UBE3C: variants seen among roughly 807,000 people sequenced by gnomAD.
UBE3C encodes the protein ubiquitin-protein ligase E3C.
Under a neutral mutation model 129.4 loss-of-function variants are expected in UBE3C, and 42 were observed. The observed-to-expected ratio is 0.32, with a 90% CI of 0.25 to 0.42. The LOEUF (loss-of-function observed/expected upper bound fraction) is 0.42, where lower values mean the gene tolerates loss of function less well. Ranked by LOEUF, UBE3C falls within the 10% of genes least tolerant of loss-of-function variation. The pLI is 1.00. For synonymous variants in UBE3C, 510 were observed against 492.4 expected (o/e 1.04, Z -0.47); for missense variants, 1,049 against 1,319.1 (o/e 0.80, Z 3.17).
At chr7:157,157,336 TAA>T (rs1807938116) in intron 1 of UBE3C, among the ~76,000 whole-genome samples, 1 of 152,142 alleles carries the variant, frequency 6.6e-6, no homozygotes, top group Non-Finnish European at 1.5e-5. Context: ...TAACCAAGGT[TAA>T]AGAGTAACAA....
chr7:157,171,236 G>A (rs1808358656), intron 4 of UBE3C, among the ~76,000 whole-genome samples: 2 of 152,008 alleles, frequency 1.3e-5, no homozygotes, highest in African/African-American at 4.8e-5. Flanking sequence ...AGCAATCGGT[G>A]GTGTCTCAGC....
Position 157,207,540 on chromosome 7 carries a change from G to C in UBE3C, c.1561G>C (p.Gly521Arg). 1.2e-6 allele frequency: 2 copies of C among 1,612,508 alleles called. No homozygotes were observed. Among genetic ancestry groups the C allele is most frequent in the South Asian group, 2.2e-5 (2 of 90,512 alleles). Reference sequence around the variant, plus strand: ...TTCCATACATGATAACGAATTCTTCGGTGATCCCATAGAAGGTAAGGATTT... The same window carrying C: ...TTCCATACATGATAACGAATTCTTCCGTGATCCCATAGAAGGTAAGGATTT... The part of the protein sequence containing the change: ...LISIHDNEFF[G>R]DPIEVVGQRQ... The change falls in exon 12 of 23, where the codon GGT becomes CGT. Residue 521 changes from glycine to arginine, a missense_variant. Physicochemically the swap from Gly to Arg is moderately radical, Grantham distance 125. Coordinates refer to ENST00000348165, the MANE Select transcript of UBE3C (RefSeq NM_014671.3).
At position 157,195,562 on chromosome 7, in the gene UBE3C, A is replaced by G. The variant is rs151231681; in HGVS notation, c.1332-6159A>G. On this transcript the variant is annotated intron_variant, in intron 10 of 22. Transcript: ENST00000348165. Reference sequence around the variant, plus strand: ...TTTTCATCCCAATTTCTGCTTTTTGAACAGGAATGTGTATAGCTGTTACTG... The same window carrying G: ...TTTTCATCCCAATTTCTGCTTTTTGGACAGGAATGTGTATAGCTGTTACTG... 3.4e-3 allele frequency among the ~76,000 whole-genome samples: 525 copies of G among 152,216 alleles called. 1 individual carries two copies. Among genetic ancestry groups the G allele is most frequent in the African/African-American group, 0.011 (468 of 41,540 alleles).
chr7:157,169,079 T>A lies in UBE3C; in HGVS notation c.152T>A (p.Ile51Asn). 1 of 1,613,852 alleles carries A rather than the reference T, an allele frequency of 6.2e-7. No individual in the cohort carries two copies. Among genetic ancestry groups the A allele is most frequent in the Non-Finnish European group, 8.5e-7 (1 of 1,179,892 alleles). ...AGGCGAAGGTTGAAAAATGCAATAA[T>A]TATCCAGTCATTTATTCGAGGCTAT... ...EERRRLKNAI[I>N]IQSFIRGYRD... Residue 51 changes from isoleucine to asparagine, a missense_variant, in exon 3 of 23, where the codon ATT becomes AAT. This residue lies in a region of UBE3C where 489 missense variants were observed against 513.8 expected (regional missense o/e 0.95). Transcript: ENST00000348165.
At chr7:157,242,636 T>C (rs1051073277) in intron 18 of UBE3C, among the ~76,000 whole-genome samples, 2 of 151,934 alleles carry the variant, frequency 1.3e-5, no homozygotes, top group African/African-American at 4.8e-5. Context: ...GGTTTGCTAC[T>C]TTAGCGAACT....
chr7:157,210,039 G>A (rs911020435), intron 13 of UBE3C, among the ~76,000 whole-genome samples: 3 of 152,140 alleles, frequency 2.0e-5, no homozygotes, highest in Non-Finnish European at 4.4e-5. Context: ...AATTAGCTGG[G>A]CGTGATGTAC....
intron 18 of UBE3C, among the ~76,000 whole-genome samples, chr7:157,237,064 A>G (rs1418481227): frequency 6.6e-6 from 1 of 152,198 alleles, no homozygotes; most frequent in Admixed American, 6.5e-5. Flanking sequence ...ATTTCTTCAG[A>G]ATTAACCATG....
intron 18 of UBE3C, among the ~76,000 whole-genome samples, chr7:157,237,765 G>A (rs139222936): frequency 9.2e-5 from 14 of 152,232 alleles, no homozygotes; most frequent in African/African-American, 3.1e-4. Flanking sequence ...AAAAAATAGT[G>A]TTGGGTGCAG....
At position 157,260,568 on chromosome 7, in the gene UBE3C, C is replaced by T. The variant is rs1024475995; in HGVS notation, c.3081+3524C>T. Among the ~76,000 whole-genome samples, 7 of 152,246 alleles carry T rather than the reference C, an allele frequency of 4.6e-5. No homozygotes were observed. In the East Asian group the frequency reaches 5.8e-4, roughly 13 times the overall value. On this transcript the variant is annotated intron_variant, in intron 22 of 22. Transcript: ENST00000348165. Reference sequence around the variant, plus strand: ...GTGAGGCGTGCAGACGACTTTTTATCGGTAAAGATTTTAATGCCATTTGGT... The same window carrying T: ...GTGAGGCGTGCAGACGACTTTTTATTGGTAAAGATTTTAATGCCATTTGGT...
chr7:157,237,509 A>T (rs1796183720), intron 18 of UBE3C, among the ~76,000 whole-genome samples: 1 of 152,290 alleles, frequency 6.6e-6, no homozygotes, highest in East Asian at 1.9e-4. Flanking sequence ...CCCTTGGATT[A>T]AGTAGGTCTT....
chr7:157,187,413 A>C (rs1437962234), intron 10 of UBE3C, among the ~76,000 whole-genome samples: 1 of 146,424 alleles, frequency 6.8e-6, no homozygotes, highest in Admixed American at 6.9e-5. Context: ...TTCAGACAGC[A>C]TCTCACTCTG....
intron 4 of UBE3C, among the ~76,000 whole-genome samples, chr7:157,172,918 G>A (rs924141842): frequency 2.6e-4 from 39 of 152,212 alleles, no homozygotes; most frequent in African/African-American, 9.2e-4. Context: ...ACGACATGGT[G>A]TAGCTACACA....
At chr7:157,147,499 T>A (rs1382279718) in intron 1 of UBE3C, among the ~76,000 whole-genome samples, 2 of 152,240 alleles carry the variant, frequency 1.3e-5, no homozygotes, top group African/African-American at 4.8e-5. Flanking sequence ...TCTTCCTTCC[T>A]GATCTGTATG....
At chr7:157,238,764 A>AAGAGT (rs1224538861) in intron 18 of UBE3C, among the ~76,000 whole-genome samples, 1 of 152,108 alleles carries the variant, frequency 6.6e-6, no homozygotes, top group Non-Finnish European at 1.5e-5. Flanking sequence ...AAGAGAAGAG[A>AAGAGT]TGAAGAACTG....
chr7:157,202,953 A>G (rs1809331885), intron 11 of UBE3C, among the ~76,000 whole-genome samples: 1 of 152,250 alleles, frequency 6.6e-6, no homozygotes, highest in Non-Finnish European at 1.5e-5. Flanking sequence ...TATATCTAAA[A>G]TATAAACACA....
At position 157,157,993 on chromosome 7, in the gene UBE3C, G is replaced by T. The variant is rs796905052; in HGVS notation, c.67-5817G>T. 1.1e-3 allele frequency among the ~76,000 whole-genome samples: 166 copies of T among 149,904 alleles called. 3 individuals are homozygous for T. Among genetic ancestry groups the T allele is most frequent in the South Asian group, 4.5e-3 (21 of 4,710 alleles). Reference sequence around the variant, plus strand: ...ATATAGATATATATATATATAGAGAGAGAGAGAGAGAGATACATATAAACA... The same window carrying T: ...ATATAGATATATATATATATAGAGATAGAGAGAGAGAGATACATATAAACA... On this transcript the variant is annotated intron_variant, in intron 1 of 22. Transcript: ENST00000348165.
intron 1 of UBE3C, among the ~76,000 whole-genome samples, chr7:157,142,537 T>TG (rs1458697436): frequency 6.6e-6 from 1 of 152,140 alleles, no homozygotes; most frequent in Admixed American, 6.5e-5. Flanking sequence ...GTAATTAGGA[T>TG]GGGTGGAAGA....
intron 10 of UBE3C, among the ~76,000 whole-genome samples, chr7:157,196,462 C>T (rs372303330): frequency 2.0e-4 from 30 of 151,970 alleles, no homozygotes; most frequent in East Asian, 1.5e-3. Context: ...CTAGTCTGTC[C>T]GACAGAATAT....
At chr7:157,232,124 A>T (rs906468007) in intron 18 of UBE3C, among the ~76,000 whole-genome samples, 1 of 152,016 alleles carries the variant, frequency 6.6e-6, no homozygotes, top group Non-Finnish European at 1.5e-5. Flanking sequence ...CTTCTCCCTG[A>T]GTGTCTCTGT....
Sources: gnomAD v4.1 joint callset for allele counts (sites outside exome capture counted in the v4.1 genomes callset) on GRCh38, gnomAD v4.1.1 for gene constraint, gnomAD v4.1.1 regional missense constraint, MANE v1.5 for transcripts, NCBI Gene and HGNC (gene_info 2026-07-23, HGNC 2026-07-21) for gene names.